MTUS1: variants seen among roughly 807,000 people sequenced by gnomAD.
MTUS1 encodes microtubule associated scaffold protein 1, also known as microtubule-associated tumor suppressor 1.
A neutral mutation model predicts 120.8 loss-of-function variants in MTUS1; 109 were observed. That is an observed-to-expected ratio of 0.90 (90% CI 0.77 to 1.06). MTUS1 has a LOEUF of 1.06. Among genes scored for constraint, MTUS1 ranks in the 50% least tolerant of loss-of-function variants. The probability of loss-of-function intolerance (pLI) is 0.00; values close to 1 mark genes in which losing one functional copy is unlikely to be tolerated. For synonymous variants in MTUS1, 737 were observed against 550.5 expected (o/e 1.34, Z -4.74); for missense variants, 2,210 against 1,486.3 (o/e 1.49, Z -8.01).
At chr8:17,720,820 G>C (rs900366847) in intron 4 of MTUS1, among the ~76,000 whole-genome samples, 2 of 152,108 alleles carry the variant, frequency 1.3e-5, no homozygotes, top group African/African-American at 2.4e-5. Context: ...CTATAAATGA[G>C]CACATTTGGT....
intron 1 of MTUS1, among the ~76,000 whole-genome samples, chr8:17,775,750 C>G (rs1224014041): frequency 6.6e-6 from 1 of 152,238 alleles, no homozygotes; most frequent in Admixed American, 6.5e-5. Flanking sequence ...GACCCATGGC[C>G]ACCAGGCACT....
At chr8:17,712,320 T>C (rs575804322) in intron 6 of MTUS1, among the ~76,000 whole-genome samples, 1 of 152,148 alleles carries the variant, frequency 6.6e-6, no homozygotes, top group South Asian at 2.1e-4. Context: ...ACCTTATCTA[T>C]CTAGAGAGAT....
At chr8:17,674,074 T>C (rs6586625) in intron 8 of MTUS1, among the ~76,000 whole-genome samples, 117,638 of 152,014 alleles carry the variant, frequency 0.77, 46,009 homozygotes, top group East Asian at 0.96. Context: ...ATTCTCTAGG[T>C]TGAGGAGCCC....
In MTUS1 at chr8:17,647,008, C is replaced by T; in HGVS notation, c.3573G>A (p.Arg1191=). The change falls in exon 14 of 15, where the codon CGG becomes CGA. Residue 1191 remains arginine (R), a synonymous_variant. Coordinates refer to ENST00000693296, the MANE Select transcript of MTUS1 (RefSeq NM_001363059.2). ...FQQENEELKA[R]MDKHMAISRQ... ...TTGAGATTGCCATGTGCTTGTCCAT[C>T]CGAGCTTTCAATTCTTCATTCTCCT... The T allele has an allele frequency of 6.2e-7, 1 of 1,613,962 alleles. No homozygotes were observed. Among genetic ancestry groups the T allele is most frequent in the South Asian group, 1.1e-5 (1 of 91,070 alleles).
rs1368435850 is a variant in MTUS1 at position 17,736,003 on chromosome 8, CA to C, written c.2287+7600del. Among the ~76,000 whole-genome samples the C allele has an allele frequency of 2.6e-5, 4 of 152,228 alleles. No individual in the cohort carries two copies. The South Asian group carries it at 8.3e-4, about 32-fold the overall frequency. The stretch of plus-strand genomic sequence containing the variant: ...TTGCTTAGACACCCCCTTATCCCCT[CA>C]CCCTCCAACCAGTAAGCTCCTTAAG... On this transcript the variant is annotated intron_variant, in intron 3 of 14. Transcript: ENST00000693296.
chr8:17,718,337 G>A (rs142910389), intron 4 of MTUS1, among the ~76,000 whole-genome samples: 6 of 152,216 alleles, frequency 3.9e-5, no homozygotes, highest in Non-Finnish European at 5.9e-5. Context: ...ATGCATAATA[G>A]TTTCCAGCAA....
chr8:17,774,568 C>G (rs364296), intron 1 of MTUS1, among the ~76,000 whole-genome samples: 25,605 of 152,138 alleles, frequency 0.17, 2,196 homozygotes, highest in East Asian at 0.21. Context: ...CCACTTCATA[C>G]TCGTTAGGAC....
chr8:17,728,120 G>C (rs181739514), intron 3 of MTUS1, among the ~76,000 whole-genome samples: 1 of 152,324 alleles, frequency 6.6e-6, no homozygotes, highest in African/African-American at 2.4e-5. Flanking sequence ...CAAAATGGTA[G>C]AATGGCGCTT....
intron 3 of MTUS1, among the ~76,000 whole-genome samples, chr8:17,739,070 G>C (rs2047128207): frequency 6.6e-6 from 1 of 152,056 alleles, no homozygotes; most frequent in Non-Finnish European, 1.5e-5. Flanking sequence ...TTGAGTCCAG[G>C]AATTCAAGGC....
intron 6 of MTUS1, among the ~76,000 whole-genome samples, chr8:17,707,615 CT>C (rs941503762): frequency 6.6e-6 from 1 of 152,148 alleles, no homozygotes; most frequent in African/African-American, 2.4e-5. Flanking sequence ...AAAACCTCAC[CT>C]GACTTCATTA....
At chr8:17,801,277 C>T (rs2052661283), upstream of MTUS1, 1 of 151,918 alleles carries the variant, frequency 6.6e-6, no homozygotes, top group African/African-American at 2.4e-5. Flanking sequence ...TCCGGGGCCG[C>T]CAGGGGGTGG....
At position 17,655,942 on chromosome 8, in the gene MTUS1, A is replaced by ACTC. The variant is rs1808126676; in HGVS notation, c.3028_3029insGAG (p.Phe1010delinsTer). 2 of 1,614,066 alleles carry ACTC rather than the reference A, an allele frequency of 1.2e-6. No homozygotes were observed. The highest frequency in any genetic ancestry group is 1.7e-6 in the Non-Finnish European group (2 of 1,180,044). On this transcript the variant is annotated stop_gained, in exon 9 of 15. Transcript: ENST00000693296. LOFTEE classifies it high-confidence loss of function. The stretch of plus-strand genomic sequence containing the variant: ...AAGCTTTTCATACTCCCTGGTGTAA[A>ACTC]ACTCTTTAAGCCGATTCTCTCGTTC...
intron 1 of MTUS1, among the ~76,000 whole-genome samples, chr8:17,778,621 T>C (rs1279065524): frequency 1.3e-5 from 2 of 152,020 alleles, no homozygotes; most frequent in Non-Finnish European, 2.9e-5. Context: ...GTTCTAGAGC[T>C]GCACGGTGAA....
At chr8:17,779,603 A>G (rs1717360023) in intron 1 of MTUS1, among the ~76,000 whole-genome samples, 1 of 152,180 alleles carries the variant, frequency 6.6e-6, no homozygotes, top group African/African-American at 2.4e-5. Context: ...CAAAAATTGG[A>G]AAAAATGGTC....
At position 17,675,242 on chromosome 8, in the gene MTUS1, G is replaced by A. The variant is rs1812853336; in HGVS notation, c.2849C>T (p.Ala950Val). 2 of 1,613,926 alleles carry A rather than the reference G, an allele frequency of 1.2e-6. No homozygotes were observed. The highest frequency in any genetic ancestry group is 1.3e-5 in the African/African-American group (1 of 74,926). Residue 950 changes from alanine to valine, a missense_variant, in exon 8 of 15, where the codon GCA becomes GTA. Coordinates refer to ENST00000693296, the MANE Select transcript of MTUS1 (RefSeq NM_001363059.2). ...IQHLLSEREE[A>V]LKQHKTLSQE... ...AGATAGGGTTTTGTGTTGTTTCAGT[G>A]CTTCCTCCCGCTGCGGAAAACACAC...
In MTUS1 at chr8:17,769,502, C is replaced by T. The variant is rs112285135; in HGVS notation, c.-154-13541G>A. 7.8e-3 allele frequency among the ~76,000 whole-genome samples: 1,126 copies of T among 144,946 alleles called. 11 individuals carry two copies. Among genetic ancestry groups the T allele is most frequent in the African/African-American group, 0.016 (604 of 37,568 alleles). On this transcript the variant is annotated intron_variant, in intron 1 of 14. Coordinates refer to ENST00000693296, the MANE Select transcript of MTUS1 (RefSeq NM_001363059.2). ...AGCTGGGACTACAGGCGCCCGCCACCACGCCCAGATAATTTTTTGTATTTT... is the reference window on the plus strand; with the variant it reads ...AGCTGGGACTACAGGCGCCCGCCACTACGCCCAGATAATTTTTTGTATTTT...
chr8:17,688,743 A>G (rs1367969010), intron 6 of MTUS1, among the ~76,000 whole-genome samples: 3 of 152,236 alleles, frequency 2.0e-5, no homozygotes, highest in Non-Finnish European at 4.4e-5. Flanking sequence ...TTATGTTTGT[A>G]TAAAGTTTTC....
At chr8:17,677,320 G>A (rs1813331806) in intron 7 of MTUS1, among the ~76,000 whole-genome samples, 1 of 152,046 alleles carries the variant, frequency 6.6e-6, no homozygotes, top group Admixed American at 6.6e-5. Flanking sequence ...TACCACTCAA[G>A]TAACAGGAAA....
At chr8:17,722,491 A>G (rs1016034549) in intron 4 of MTUS1, 6 of 985,232 alleles carry the variant, frequency 6.1e-6, no homozygotes, top group Non-Finnish European at 6.0e-6. Flanking sequence ...TTCCAACAGT[A>G]AAGCTGGTAA....
Sources: allele counts gnomAD v4.1 joint callset (sites outside exome capture counted in the v4.1 genomes callset), GRCh38; gene constraint gnomAD v4.1.1; transcripts MANE v1.5; gene names NCBI Gene and HGNC (gene_info 2026-07-23, HGNC 2026-07-21).